The following RNF182 variants were observed in gnomAD, a reference collection of about 807,000 sequenced individuals.
RNF182 encodes E3 ubiquitin-protein ligase RNF182.
In RNF182, 15 loss-of-function variants were observed where a neutral mutation model predicts 14.4. That is an observed-to-expected ratio of 1.04 (90% CI 0.70 to 1.60). RNF182 has a LOEUF of 1.60. RNF182 is among the 40% of genes most tolerant of loss of function. The pLI, the probability that RNF182 is intolerant of heterozygous loss-of-function variation, is 0.00. For missense variants in RNF182, 268 were observed against 294.8 expected (o/e 0.91, Z 0.67); for synonymous variants, 128 against 122.9 (o/e 1.04, Z -0.27).
intron 1 of RNF182, among the ~76,000 whole-genome samples, chr6:13,930,569 CAT>C (rs956416811): frequency 2.2e-4 from 33 of 152,196 alleles, no homozygotes; most frequent in African/African-American, 7.2e-4. Context: ...TGAAATAACA[CAT>C]GTTCTTACTG....
chr6:13,949,415 G>A, intron 1 of RNF182: 2 of 736,562 alleles, frequency 2.7e-6, no homozygotes, highest in South Asian at 1.5e-5. Context: ...GAGAAAGACT[G>A]TGAAAGCTGT....
chr6:13,952,006 G>T (rs1396947037), intron 1 of RNF182, among the ~76,000 whole-genome samples: 1 of 152,152 alleles, frequency 6.6e-6, no homozygotes, highest in Non-Finnish European at 1.5e-5. Flanking sequence ...CTTAAAGTGG[G>T]GTGGGATGAC....
intron 1 of RNF182, chr6:13,949,656 T>G: frequency 3.1e-6 from 1 of 322,586 alleles, no homozygotes; most frequent in Non-Finnish European, 6.0e-6. Flanking sequence ...CGAACAAACC[T>G]GAAAGTATAG....
intron 1 of RNF182, among the ~76,000 whole-genome samples, chr6:13,931,651 C>CTT (rs140434744): frequency 1.1e-4 from 16 of 148,182 alleles, no homozygotes; most frequent in African/African-American, 2.0e-4. Flanking sequence ...CTTTTTTTCT[C>CTT]TTTTTTTTTT....
At chr6:13,952,044 C>T (rs1759607197) in intron 1 of RNF182, among the ~76,000 whole-genome samples, 1 of 152,106 alleles carries the variant, frequency 6.6e-6, no homozygotes, top group South Asian at 2.1e-4. Flanking sequence ...AACATGTGGT[C>T]TCTGGGCAAG....
chr6:13,942,622 G>A (rs1209812351), intron 1 of RNF182, among the ~76,000 whole-genome samples: 3 of 152,100 alleles, frequency 2.0e-5, no homozygotes, highest in African/African-American at 7.2e-5. Context: ...GATTACAGGT[G>A]TGAGCCACCA....
At chr6:13,969,007 A>G (rs1340701964) in intron 1 of RNF182, among the ~76,000 whole-genome samples, 1 of 152,222 alleles carries the variant, frequency 6.6e-6, no homozygotes, top group Non-Finnish European at 1.5e-5. Flanking sequence ...CCAGAAAACT[A>G]GCATAAGCAA....
At chr6:13,928,925 G>A (rs1171802945) in intron 1 of RNF182, among the ~76,000 whole-genome samples, 1 of 152,184 alleles carries the variant, frequency 6.6e-6, no homozygotes, top group African/African-American at 2.4e-5. Flanking sequence ...CTGGGGGACA[G>A]TGATGGCTCT....
At chr6:13,940,521 C>G (rs1444772005) in intron 1 of RNF182, among the ~76,000 whole-genome samples, 3 of 151,952 alleles carry the variant, frequency 2.0e-5, no homozygotes, top group African/African-American at 7.3e-5. Context: ...TCAGTCTTGC[C>G]TGGGGTTTAT....
chr6:13,968,246 CAG>C (rs1054578983), intron 1 of RNF182, among the ~76,000 whole-genome samples: 65 of 152,204 alleles, frequency 4.3e-4, no homozygotes, highest in South Asian at 6.2e-4. Flanking sequence ...AAGAAACAAT[CAG>C]GGGCAGAGGT....
chr6:13,968,096 GAT>G (rs1760080903), intron 1 of RNF182, among the ~76,000 whole-genome samples: 1 of 151,962 alleles, frequency 6.6e-6, no homozygotes, highest in African/African-American at 2.4e-5. Flanking sequence ...GAATAATAAA[GAT>G]AAAAGCTGAA....
At chr6:13,970,063 G>A (rs1010589264) in intron 1 of RNF182, among the ~76,000 whole-genome samples, 51 of 152,104 alleles carry the variant, frequency 3.4e-4, no homozygotes, top group Non-Finnish European at 8.8e-5. Flanking sequence ...TGGGGTACAT[G>A]TGAGTGTAAC....
intron 1 of RNF182, among the ~76,000 whole-genome samples, chr6:13,932,153 G>A (rs1758987888): frequency 6.6e-6 from 1 of 152,338 alleles, no homozygotes; most frequent in African/African-American, 2.4e-5. Flanking sequence ...ACAATTACCT[G>A]TAAAGTGGAG....
chr6:13,977,158 G>A lies in RNF182; in HGVS notation c.39G>A (p.Gln13=). 1.9e-6 allele frequency: 3 copies of A among 1,614,130 alleles called. No individual in the cohort carries two copies. In the East Asian group the frequency reaches 6.7e-5, roughly 36 times the overall value. The stretch of plus-strand genomic sequence containing the variant: ...CTCCTGAAGACACTGCGGAGTCTCA[G>A]GCCTCTGATGAGCTGGAGTGCAAAA... ...SQPPEDTAES[Q]ASDELECKIC... Residue 13 remains glutamine, a synonymous_variant, in exon 3 of 3, where the codon CAG becomes CAA. Coordinates refer to ENST00000488300, the MANE Select transcript of RNF182 (RefSeq NM_152737.4).
intron 1 of RNF182, among the ~76,000 whole-genome samples, chr6:13,960,926 G>A (rs1358887160): frequency 6.6e-6 from 1 of 152,112 alleles, no homozygotes; most frequent in Non-Finnish European, 1.5e-5. Context: ...AGAAGATTCA[G>A]TCATTCTTAA....
chr6:13,931,560 A>G (rs186561822), intron 1 of RNF182, among the ~76,000 whole-genome samples: 267 of 151,626 alleles, frequency 1.8e-3, no homozygotes, highest in African/African-American at 5.7e-3. Context: ...CCTGGGGGGG[A>G]AAAAGGAATG....
chr6:13,925,345 G>C (rs1758797635), intron 1 of RNF182: 1 of 152,046 alleles, frequency 6.6e-6, no homozygotes, highest in Non-Finnish European at 1.5e-5. Flanking sequence ...GCGTGCCATC[G>C]AGGCTTTTGG....
At chr6:13,968,673 A>T (rs1760099107) in intron 1 of RNF182, among the ~76,000 whole-genome samples, 1 of 152,200 alleles carries the variant, frequency 6.6e-6, no homozygotes, top group Admixed American at 6.5e-5. Context: ...ATTCAGGCTG[A>T]TACTGGTGGA....
intron 1 of RNF182, among the ~76,000 whole-genome samples, chr6:13,968,619 T>C (rs1296092559): frequency 1.3e-5 from 2 of 152,208 alleles, no homozygotes; most frequent in East Asian, 3.8e-4. Context: ...AATTTAATTT[T>C]CAGTACAGAT....
Sources: gnomAD v4.1 joint callset for allele counts (sites outside exome capture counted in the v4.1 genomes callset) on GRCh38, gnomAD v4.1.1 for gene constraint, MANE v1.5 for transcripts, NCBI Gene and HGNC (gene_info 2026-07-23, HGNC 2026-07-21) for gene names.